Variants in ITPR3 observed in about 807,000 individuals in gnomAD.
The protein encoded by ITPR3 is inositol 1,4,5-trisphosphate receptor type 3.
In ITPR3, 173 loss-of-function variants were observed where a neutral mutation model predicts 293.2. The ratio of observed to expected loss-of-function variants is 0.59; its 90% CI spans 0.52 to 0.67. The LOEUF (loss-of-function observed/expected upper bound fraction) is 0.67. Ranked by LOEUF, ITPR3 falls within the 30% of genes least tolerant of loss-of-function variation. ITPR3 has a pLI of 0.00. For synonymous variants in ITPR3, 1,295 were observed against 1,444.4 expected, an observed-to-expected ratio of 0.90 and a Z score of 2.35; for missense variants, 2,796 against 3,592.1, an observed-to-expected ratio of 0.78 and a Z score of 5.66.
rs1331272783 is a variant in ITPR3, at chr6:33,624,021, T to C, written c.89+2330T>C. 1.3e-5 allele frequency among the ~76,000 whole-genome samples: 2 copies of C among 152,238 alleles called. No homozygotes were observed. Among genetic ancestry groups the C allele is most frequent in the African/African-American group, 4.8e-5 (2 of 41,448 alleles). On this transcript the variant is annotated intron_variant, in intron 1 of 57. Coordinates refer to ENST00000605930, the MANE Select transcript of ITPR3 (RefSeq NM_002224.4). The surrounding 1 kb of genome is among the most constrained non-coding windows in gnomAD (Gnocchi z 4.7). ...AACCTGTCCCGCGCTCTCAGTCTCT[T>C]TACCTTTGCTCTTGGGTTGTTCCCG...
rs1763727696 is a variant in ITPR3 at position 33,633,349 on chromosome 6, G to A, written c.90-7135G>A. 6.6e-6 allele frequency among the ~76,000 whole-genome samples: 1 copy of A among 152,212 alleles called. No individual in the cohort carries two copies. The highest frequency in any genetic ancestry group is 2.1e-4 in the South Asian group (1 of 4,836). On this transcript the variant is annotated intron_variant, in intron 1 of 57. Transcript: ENST00000605930. This position sits in a 1 kb window ranked among gnomAD's most constrained non-coding sequence, Gnocchi z 5.2. Reference sequence around the variant, plus strand: ...GGCGTTGGCGAGAGGGGGGTGAAGCGAAGCGGCCACTTACCCCTGTAGAGC... The same window carrying A: ...GGCGTTGGCGAGAGGGGGGTGAAGCAAAGCGGCCACTTACCCCTGTAGAGC...
Position 33,662,582 on chromosome 6 carries a change from G to C in ITPR3, c.766G>C (p.Glu256Gln). Reference sequence around the variant, plus strand: ...GCAGGAGAAGTTCCTGACGTGTGACGAGTACAAGGGCAAGCTGCAGGTGTT... The same window carrying C: ...GCAGGAGAAGTTCCTGACGTGTGACCAGTACAAGGGCAAGCTGCAGGTGTT... Reference protein sequence around the residue: ...AEQEKFLTCDEYKGKLQVFLR... With the variant: ...AEQEKFLTCDQYKGKLQVFLR... The change falls in exon 8 of 58, where the codon GAG (glutamate) becomes CAG (glutamine). Residue 256 changes from glutamate (E) to glutamine (Q), a missense_variant. Physicochemically the swap from Glu to Gln is conservative, Grantham distance 29 (BLOSUM62 2). Transcript: ENST00000605930. The C allele has an allele frequency of 1.2e-6, 2 of 1,611,856 alleles. No individual in the cohort carries two copies. Among genetic ancestry groups the C allele is most frequent in the Non-Finnish European group, 1.7e-6 (2 of 1,179,646 alleles).
Position 33,695,778 on chromosome 6 carries a change from T to C in ITPR3, c.8014T>C (p.Ter2672ArgextTer45). The C allele has an allele frequency of 6.2e-7, 1 of 1,614,054 alleles. No individual in the cohort carries two copies. Among genetic ancestry groups the C allele is most frequent in the South Asian group, 1.1e-5 (1 of 91,086 alleles). The change falls in exon 58 of 58, where the codon TGA (stop) becomes CGA (arginine). Residue 2672 changes from the stop codon to arginine (R), a stop_lost. Coordinates refer to ENST00000605930, the MANE Select transcript of ITPR3 (RefSeq NM_002224.4). The stretch of plus-strand genomic sequence containing the variant: ...GGATGTCCAGAACTGCATTAGCCGC[T>C]GAGGAGAGCCACCGAAGGCCCCAAC... ...FVDVQNCISR[*>R]
In ITPR3 at chr6:33,623,175, G is replaced by T. The variant is rs559120267; in HGVS notation, c.89+1484G>T. Among the ~76,000 whole-genome samples the T allele has an allele frequency of 2.3e-4, 35 of 152,194 alleles. No homozygotes were observed. In the South Asian group the frequency reaches 2.7e-3, roughly 12 times the overall value. ...AAAGCTGAGGGAAGGAGGAGAGGGT[G>T]TGGGGACTGGGAGGGACATAGGGAT... is the stretch of plus-strand genomic sequence containing the variant. On this transcript the variant is annotated intron_variant, in intron 1 of 57. Coordinates refer to ENST00000605930, the MANE Select transcript of ITPR3 (RefSeq NM_002224.4).
rs768086296 is a variant in ITPR3 at position 33,684,793 on chromosome 6, G to A, written c.5157G>A (p.Ser1719=). Reference sequence around the variant, plus strand: ...CTCCAGGCCTGGACCCAGACTGGTCGGCAATCGCAGCCACCCAGTGCCGGC... The same window carrying A: ...CTCCAGGCCTGGACCCAGACTGGTCAGCAATCGCAGCCACCCAGTGCCGGC... ...PIGTGLDPDW[S]AIAATQCRLD... is the part of the protein sequence containing the mutation. The change falls in exon 39 of 58, where the codon TCG becomes TCA. Residue 1719 remains serine (S), a synonymous_variant. Transcript: ENST00000605930. The surrounding 1 kb of genome is among the most constrained non-coding windows in gnomAD (Gnocchi z 4.2). The A allele has an allele frequency of 5.6e-6, 9 of 1,612,414 alleles. No homozygotes were observed. Among genetic ancestry groups the A allele is most frequent in the Admixed American group, 3.3e-5 (2 of 59,918 alleles).
rs143487699 is a variant in ITPR3, at chr6:33,629,358, G to A, written c.89+7667G>A. ...AGATGTGCCCATTGTCCTCAGTGGTGTGATCAGAGTTCACTGTAACCTCGA... is the reference window on the plus strand; with the variant it reads ...AGATGTGCCCATTGTCCTCAGTGGTATGATCAGAGTTCACTGTAACCTCGA... On this transcript the variant is annotated intron_variant, in intron 1 of 57. Coordinates refer to ENST00000605930, the MANE Select transcript of ITPR3 (RefSeq NM_002224.4). Among the ~76,000 whole-genome samples, 1,007 of 152,242 alleles carry A rather than the reference G, an allele frequency of 6.6e-3. 11 individuals carry two copies. The highest frequency in any genetic ancestry group is 0.023 in the African/African-American group (942 of 41,538).
In ITPR3 at chr6:33,687,275, C is replaced by T. The variant is rs768906879; in HGVS notation, c.6125C>T (p.Ser2042Leu). ...CTGCAGGAGGAAGAGCGTGAGAACT[C>T]GGAGGTGAGCCCACGTGAAGTGGGC... Reference protein sequence around the residue: ...AYLQEEERENSEVSPREVGHN... With the variant: ...AYLQEEERENLEVSPREVGHN... The change falls in exon 45 of 58, where the codon TCG (serine) becomes TTG (leucine). Residue 2042 changes from serine to leucine, a missense_variant. Coordinates refer to ENST00000605930, the MANE Select transcript of ITPR3 (RefSeq NM_002224.4). This position sits in a 1 kb window ranked among gnomAD's most constrained non-coding sequence, Gnocchi z 5.3. 7 of 1,613,466 alleles carry T rather than the reference C, an allele frequency of 4.3e-6. No homozygotes were observed. Among genetic ancestry groups the T allele is most frequent in the South Asian group, 2.2e-5 (2 of 91,056 alleles).
At position 33,695,904 on chromosome 6, in the gene ITPR3, C is replaced by A; in HGVS notation, c.*124C>A. On this transcript the variant is annotated 3_prime_UTR_variant, in exon 58 of 58. Transcript: ENST00000605930. ...TGGCCAGCCTCCACTCCCACTCTGC[C>A]AGACACCCTGACACCCACCCAGGCT... is the stretch of plus-strand genomic sequence containing the variant. The A allele has an allele frequency of 1.2e-6, 1 of 861,428 alleles. No homozygotes were observed. Among genetic ancestry groups the A allele is most frequent in the Admixed American group, 2.0e-5 (1 of 49,370 alleles). The allele number at this position is 861,428 out of a possible 1,614,324, so 53.4% of individuals were successfully genotyped here.
At chr6:33,668,828 G>C in intron 17 of ITPR3, 146 bp from the exon 18 acceptor site, 1 of 1,176,378 alleles carries the variant, frequency 8.5e-7, no homozygotes, top group Non-Finnish European at 1.2e-6. Context: ...AGAAAAGAAT[G>C]AGCCACGGAC....
At chr6:33,640,818 C>T (rs956222542) in intron 2 of ITPR3, among the ~76,000 whole-genome samples, 1 of 152,258 alleles carries the variant, frequency 6.6e-6, no homozygotes, top group Admixed American at 6.5e-5. Flanking sequence ...ATTCTCCCCC[C>T]AAAATCCCCA....
chr6:33,622,705 T>C (rs1476282147), intron 1 of ITPR3, among the ~76,000 whole-genome samples: 2 of 152,134 alleles, frequency 1.3e-5, no homozygotes, highest in Non-Finnish European at 2.9e-5. Flanking sequence ...TCTGATGGCC[T>C]TGGAGGACAA....
At chr6:33,646,135 C>T (rs1416554843) in intron 2 of ITPR3, among the ~76,000 whole-genome samples, 2 of 152,010 alleles carry the variant, frequency 1.3e-5, no homozygotes, top group East Asian at 1.9e-4. Flanking sequence ...CACACCTGGC[C>T]GAAAATGTAC....
In ITPR3 at chr6:33,696,454, G is replaced by A. The variant is rs759929916; in HGVS notation, c.*674G>A. 2 of 152,714 alleles carry A rather than the reference G, an allele frequency of 1.3e-5. No individual in the cohort carries two copies. The highest frequency in any genetic ancestry group is 2.4e-5 in the African/African-American group (1 of 41,458). The allele number at this position is 152,714 out of a possible 1,614,324, so 9.5% of individuals were successfully genotyped here. A position where few individuals can be genotyped will look rare whatever the true frequency, so the allele number is the denominator to read the frequency against. On this transcript the variant is annotated 3_prime_UTR_variant, in exon 58 of 58. Transcript: ENST00000605930. Reference sequence around the variant, plus strand: ...GCAACAAGGGCTGAGCTGCGCTTGCGTGGCTGTTTCATGACCGCTTGTTTT... The same window carrying A: ...GCAACAAGGGCTGAGCTGCGCTTGCATGGCTGTTTCATGACCGCTTGTTTT...
intron 1 of ITPR3, among the ~76,000 whole-genome samples, chr6:33,630,567 A>G (rs374523388): frequency 2.0e-5 from 3 of 152,008 alleles, no homozygotes; most frequent in African/African-American, 7.3e-5. Flanking sequence ...GGCCTTACAG[A>G]TATGTCCTCC....
intron 2 of ITPR3, among the ~76,000 whole-genome samples, chr6:33,646,446 C>T (rs1287231534): frequency 7.0e-6 from 1 of 142,034 alleles, no homozygotes; most frequent in Non-Finnish European, 1.5e-5. Flanking sequence ...TTCCATTCTG[C>T]AAATACAAAC....
chr6:33,685,882 A>T, intron 41 of ITPR3, 55 bp downstream of exon 41: 5 of 1,546,730 alleles, frequency 3.2e-6, no homozygotes, highest in Non-Finnish European at 4.4e-6. Flanking sequence ...CGGCATGCAG[A>T]CTAGGCAGTG....
Position 33,670,215 on chromosome 6 carries a change from T to C in ITPR3, c.2190-110T>C, listed in dbSNP as rs897378558. ...CTCAGAATTGCAGCTGGCGCATCTTTAACCTAATCCCTTTGCCACTTTACT... is the reference window on the plus strand; with the variant it reads ...CTCAGAATTGCAGCTGGCGCATCTTCAACCTAATCCCTTTGCCACTTTACT... On this transcript the variant is annotated intron_variant, in intron 18 of 57. Transcript: ENST00000605930. This position sits in a 1 kb window ranked among gnomAD's most constrained non-coding sequence, Gnocchi z 6.7. 3.9e-5 allele frequency: 46 copies of C among 1,194,124 alleles called. No individual in the cohort carries two copies. Among genetic ancestry groups the C allele is most frequent in the Non-Finnish European group, 5.3e-5 (44 of 830,014 alleles). The allele number at this position is 1,194,124 out of a possible 1,614,324, so 74.0% of individuals were successfully genotyped here.
chr6:33,636,308 AT>A (rs1300186298), intron 1 of ITPR3, among the ~76,000 whole-genome samples: 2 of 151,814 alleles, frequency 1.3e-5, no homozygotes, highest in Non-Finnish European at 2.9e-5. Flanking sequence ...TCTCAAAAAA[AT>A]AAAAAATTAA....
At chr6:33,635,790 G>A (rs1249443151) in intron 1 of ITPR3, among the ~76,000 whole-genome samples, 1 of 151,968 alleles carries the variant, frequency 6.6e-6, no homozygotes, top group Non-Finnish European at 1.5e-5. Flanking sequence ...CCACTCCCCT[G>A]GGGGATTGAG....
Sources: gnomAD v4.1 joint callset for allele counts (sites outside exome capture counted in the v4.1 genomes callset) on GRCh38, gnomAD v4.1.1 for gene constraint, Gnocchi (gnomAD v3.1) non-coding constraint, MANE v1.5 for transcripts, NCBI Gene and HGNC (gene_info 2026-07-23, HGNC 2026-07-21) for gene names.